IL1RAPL1: variants seen among roughly 807,000 people sequenced by gnomAD.
The protein encoded by IL1RAPL1 is interleukin 1 receptor accessory protein like 1.
A neutral mutation model predicts 48.4 loss-of-function variants in IL1RAPL1; 3 were observed. That is an observed-to-expected ratio of 0.06 (90% confidence interval 0.03 to 0.16). The LOEUF (loss-of-function observed/expected upper bound fraction) is 0.16, where lower values mean the gene tolerates loss of function less well. Among genes scored for constraint, IL1RAPL1 ranks in the 10% least tolerant of loss-of-function variants. The pLI is 1.00. For missense variants in IL1RAPL1, 349 were observed against 530.6 expected, an observed-to-expected ratio of 0.66 and a Z score of 3.36; for synonymous variants, 185 against 187.7, an observed-to-expected ratio of 0.99 and a Z score of 0.12.
intron 1 of IL1RAPL1, among the ~76,000 whole-genome samples, chrX:28,609,881 A>C (rs1934128525): frequency 9.0e-6 from 1 of 111,569 alleles, no homozygotes; most frequent in Non-Finnish European, 1.9e-5. Flanking sequence ...TACTGAAATT[A>C]TTTCATTTGT....
intron 5 of IL1RAPL1, among the ~76,000 whole-genome samples, chrX:29,509,014 T>G (rs1935365781): frequency 8.9e-6 from 1 of 112,309 alleles, no homozygotes; most frequent in Non-Finnish European, 1.9e-5. Flanking sequence ...GCCAGTCACT[T>G]GGTTCATATC....
chrX:29,954,008 G>A (rs923491516), intron 9 of IL1RAPL1, among the ~76,000 whole-genome samples: 4 of 110,388 alleles, frequency 3.6e-5, no homozygotes, highest in Admixed American at 1.9e-4. Context: ...GGCTGAGGAG[G>A]GTGGATCGCC....
intron 1 of IL1RAPL1, among the ~76,000 whole-genome samples, chrX:28,617,903 C>G (rs1262768056): frequency 1.8e-5 from 2 of 111,730 alleles, no homozygotes; most frequent in Non-Finnish European, 3.8e-5. Flanking sequence ...TTCATCAGTT[C>G]TTTATACACA....
chrX:28,817,693 A>G (rs1219352316), intron 2 of IL1RAPL1, among the ~76,000 whole-genome samples: 1 of 111,490 alleles, frequency 9.0e-6, no homozygotes, highest in Non-Finnish European at 1.9e-5. Flanking sequence ...CTGTCTAAGT[A>G]TTGTGACTTT....
intron 1 of IL1RAPL1, among the ~76,000 whole-genome samples, chrX:28,703,282 G>A (rs187995459): frequency 1.8e-5 from 2 of 111,313 alleles, no homozygotes; most frequent in African/African-American, 3.3e-5. Flanking sequence ...TTTCTGGAGC[G>A]AATCCATGTG....
intron 3 of IL1RAPL1, among the ~76,000 whole-genome samples, chrX:29,364,633 T>A (rs1358299063): frequency 9.1e-6 from 1 of 109,709 alleles, no homozygotes; most frequent in South Asian, 3.9e-4. Flanking sequence ...TGTACAGATA[T>A]TTTTCTTGTC....
intron 6 of IL1RAPL1, among the ~76,000 whole-genome samples, chrX:29,796,980 A>G (rs1929754506): frequency 8.9e-6 from 1 of 112,580 alleles, no homozygotes; most frequent in African/African-American, 3.2e-5. Context: ...CTTGATATCC[A>G]GGTCTCAGCT....
At chrX:29,773,378 A>G (rs1328510227) in intron 6 of IL1RAPL1, among the ~76,000 whole-genome samples, 1 of 112,029 alleles carries the variant, frequency 8.9e-6, no homozygotes, top group African/African-American at 3.2e-5. Flanking sequence ...ATATTTCTGT[A>G]GCTTGGAAAT....
intron 2 of IL1RAPL1, among the ~76,000 whole-genome samples, chrX:29,091,276 T>TA (rs1928084426): frequency 8.9e-6 from 1 of 112,036 alleles, no homozygotes; most frequent in South Asian, 3.7e-4. Flanking sequence ...ATCATACTGA[T>TA]ACAGTAGCTG....
At chrX:29,585,301 C>G (rs780566831) in intron 5 of IL1RAPL1, among the ~76,000 whole-genome samples, 46 of 112,200 alleles carry the variant, frequency 4.1e-4, no homozygotes, top group Non-Finnish European at 7.0e-4. Flanking sequence ...ATTTGTCTTT[C>G]TGTGACTGGC....
intron 6 of IL1RAPL1, among the ~76,000 whole-genome samples, chrX:29,741,604 C>T (rs1455952094): frequency 9.1e-6 from 1 of 110,230 alleles, no homozygotes; most frequent in Non-Finnish European, 1.9e-5. Context: ...GGACAGTCTG[C>T]AGTCATAGAT....
chrX:29,113,302 C>A (rs1468953728), intron 2 of IL1RAPL1, among the ~76,000 whole-genome samples: 1 of 111,609 alleles, frequency 9.0e-6, no homozygotes, highest in Non-Finnish European at 1.9e-5. Flanking sequence ...GGGTGTTTAG[C>A]TAGCTGTCTC....
intron 2 of IL1RAPL1, among the ~76,000 whole-genome samples, chrX:29,278,863 C>G (rs750165484): frequency 1.8e-5 from 2 of 111,970 alleles, no homozygotes; most frequent in African/African-American, 6.5e-5. Flanking sequence ...TCTCACTACA[C>G]AAGGTTAAAA....
intron 1 of IL1RAPL1, among the ~76,000 whole-genome samples, chrX:28,735,357 C>T (rs899949432): frequency 4.5e-5 from 5 of 110,038 alleles, no homozygotes; most frequent in African/African-American, 1.3e-4. Flanking sequence ...ACTAGCTTGC[C>T]AAGTCTTGAA....
At chrX:29,081,014 CTCTCTCTTTCTTTTCTTTTCTTT>C (rs1381284455) in intron 2 of IL1RAPL1, among the ~76,000 whole-genome samples, 6 of 67,492 alleles carry the variant, frequency 8.9e-5, no homozygotes, top group African/African-American at 2.7e-4. Flanking sequence ...CTCTCTCTCT[CTCTCTCTTTCTTTTCTTTTCTTT>C]TCTTTTCTTT....
chrX:28,900,267 C>T (rs1397228802), intron 2 of IL1RAPL1, among the ~76,000 whole-genome samples: 5 of 112,125 alleles, frequency 4.5e-5, no homozygotes, highest in East Asian at 5.6e-4. Flanking sequence ...TAGTTTTCCT[C>T]TCTTTCCCCG....
At chrX:29,737,301 C>A (rs141076646) in intron 6 of IL1RAPL1, among the ~76,000 whole-genome samples, 48 of 111,045 alleles carry the variant, frequency 4.3e-4, no homozygotes, top group African/African-American at 1.5e-3. Flanking sequence ...GTTTGTAGAC[C>A]ATTGCTCTAG....
In IL1RAPL1 at chrX:29,682,504, A is replaced by G. The variant is rs546402143; in HGVS notation, c.778+14000A>G. Among the ~76,000 whole-genome samples the G allele has an allele frequency of 3.8e-4, 42 of 111,820 alleles. No individual in the cohort carries two copies. In the South Asian group the frequency reaches 0.011, roughly 29 times the overall value. On this transcript the variant is annotated intron_variant, in intron 6 of 10. Transcript: ENST00000378993. ...CCTGACTCTACTCCCACTAGGCAGA[A>G]TTAAATACCACCTCTCAATTGCTAG... is the stretch of plus-strand genomic sequence containing the variant.
At chrX:29,762,504 A>G (rs1928776464) in intron 6 of IL1RAPL1, among the ~76,000 whole-genome samples, 1 of 111,945 alleles carries the variant, frequency 8.9e-6, no homozygotes, top group Non-Finnish European at 1.9e-5. Context: ...GTCATTGCAA[A>G]TCAAAGATTC....
Sources: allele counts gnomAD v4.1 joint callset (sites outside exome capture counted in the v4.1 genomes callset), GRCh38; gene constraint gnomAD v4.1.1; transcripts MANE v1.5; gene names NCBI Gene and HGNC (gene_info 2026-07-23, HGNC 2026-07-21).